Variants in FAM163B observed in about 807,000 individuals in gnomAD.
The protein encoded by FAM163B is family with sequence similarity 163 member B, also known as protein FAM163B.
In FAM163B, 4 loss-of-function variants were observed where a neutral mutation model predicts 7.6. The ratio of observed to expected loss-of-function variants is 0.52; its 90% CI spans 0.26 to 1.20. The LOEUF is 1.20. Ranked by LOEUF, FAM163B falls within the 50% of genes most tolerant of loss-of-function variation. FAM163B has a pLI of 0.14. For missense variants in FAM163B, 250 were observed against 243.0 expected, an observed-to-expected ratio of 1.03 and a Z score of -0.19; for synonymous variants, 120 against 111.6, an observed-to-expected ratio of 1.07 and a Z score of -0.47.
At chr9:133,593,601 C>T (rs1831587529) in intron 1 of FAM163B, among the ~76,000 whole-genome samples, 3 of 152,236 alleles carry the variant, frequency 2.0e-5, no homozygotes, top group Non-Finnish European at 4.4e-5. Context: ...AGACTCTCCC[C>T]ATTAGCATCA....
rs867409048 is a variant in FAM163B at position 133,600,765 on chromosome 9, G to A, written c.-24+8312C>T. Among the ~76,000 whole-genome samples the A allele has an allele frequency of 2.6e-5, 4 of 152,260 alleles. No homozygotes were observed. Among genetic ancestry groups the A allele is most frequent in the Middle Eastern group, 3.4e-3 (1 of 294 alleles). On this transcript the variant is annotated intron_variant, in intron 1 of 2. Transcript: ENST00000673969. The surrounding 1 kb of genome is among the most constrained non-coding windows in gnomAD (Gnocchi z 4.9). The stretch of plus-strand genomic sequence containing the variant: ...CAACCAGTGGCTGCTCAGAATCTGA[G>A]ACTCCTTTCCTCTTCGATTCGGAAG...
At chr9:133,588,605 T>TGGCATGCTGA (rs1364548622) in intron 1 of FAM163B, among the ~76,000 whole-genome samples, 23 of 148,340 alleles carry the variant, frequency 1.6e-4, no homozygotes, top group African/African-American at 2.5e-4. Flanking sequence ...TTGAGGGATC[T>TGGCATGCTGA]AGGATGCTGA....
intron 2 of FAM163B, among the ~76,000 whole-genome samples, chr9:133,579,663 G>C (rs1405321696): frequency 6.6e-6 from 1 of 152,256 alleles, no homozygotes; most frequent in East Asian, 1.9e-4. Context: ...CAACGTGCAG[G>C]TGTGACTGTT....
At chr9:133,589,315 TC>T (rs1490070584) in intron 1 of FAM163B, among the ~76,000 whole-genome samples, 5 of 152,308 alleles carry the variant, frequency 3.3e-5, no homozygotes, top group Admixed American at 6.5e-5. Flanking sequence ...AATGTCTCCT[TC>T]AATTGCCGGG....
intron 1 of FAM163B, among the ~76,000 whole-genome samples, chr9:133,599,585 C>T (rs1468421816): frequency 2.0e-5 from 3 of 148,690 alleles, no homozygotes; most frequent in South Asian, 2.2e-4. Flanking sequence ...TGTATGTGTC[C>T]GTGTGCATGT....
At chr9:133,595,916 C>T (rs1831625430) in intron 1 of FAM163B, among the ~76,000 whole-genome samples, 1 of 152,192 alleles carries the variant, frequency 6.6e-6, no homozygotes, top group Non-Finnish European at 1.5e-5. Context: ...CCATGGTGGG[C>T]ACCTGGTGAC....
At position 133,600,847 on chromosome 9, in the gene FAM163B, C is replaced by A. The variant is rs1316319876; in HGVS notation, c.-24+8230G>T. 2.0e-5 allele frequency among the ~76,000 whole-genome samples: 3 copies of A among 152,178 alleles called. No homozygotes were observed. In the East Asian group the frequency reaches 5.8e-4, roughly 29 times the overall value. On this transcript the variant is annotated intron_variant, in intron 1 of 2. Coordinates refer to ENST00000673969, the MANE Select transcript of FAM163B (RefSeq NM_001080515.3). This position sits in a 1 kb window ranked among gnomAD's most constrained non-coding sequence, Gnocchi z 4.9. ...GCTCAGTGAACAATCACAGACGCTC[C>A]CTAACCCCCTTTCCCCTCGCAAATA... is the stretch of plus-strand genomic sequence containing the variant.
At chr9:133,596,290 C>T (rs899865411) in intron 1 of FAM163B, among the ~76,000 whole-genome samples, 7 of 152,062 alleles carry the variant, frequency 4.6e-5, no homozygotes, top group Admixed American at 1.3e-4. Context: ...GGGAGCAGCA[C>T]GGTGGCTGCC....
chr9:133,586,488 C>T (rs1026598647), intron 1 of FAM163B, among the ~76,000 whole-genome samples: 18 of 152,310 alleles, frequency 1.2e-4, no homozygotes, highest in Non-Finnish European at 2.1e-4. Flanking sequence ...AGAAAGAGCA[C>T]AGGGACCATG....
rs1415313067 is a variant in FAM163B at position 133,600,216 on chromosome 9, TGTGG to T, written c.-24+8857_-24+8860del. ...AATGTGGTCTGTGTGAGTGTGTGTG[TGTGG>T]GGGGGAATGTGGTCTGTGTGCATGT... On this transcript the variant is annotated intron_variant, in intron 1 of 2. Coordinates refer to ENST00000673969, the MANE Select transcript of FAM163B (RefSeq NM_001080515.3). This position sits in a 1 kb window ranked among gnomAD's most constrained non-coding sequence, Gnocchi z 4.9. 2.7e-5 allele frequency among the ~76,000 whole-genome samples: 4 copies of T among 149,670 alleles called. No individual in the cohort carries two copies. Among genetic ancestry groups the T allele is most frequent in the South Asian group, 4.3e-4 (2 of 4,672 alleles).
In FAM163B at chr9:133,579,294, A is replaced by C; in HGVS notation, c.229T>G (p.Ser77Ala). 1 of 1,613,364 alleles carries C rather than the reference A, an allele frequency of 6.2e-7. No homozygotes were observed. Among genetic ancestry groups the C allele is most frequent in the Non-Finnish European group, 8.5e-7 (1 of 1,179,906 alleles). ...GGGGACTTCTGGCTGAAGGAGGTGG[A>C]GGCGGTGGGGTAGAGCGCCGGCCCG... ...TNGPALYPTASTSFSQKSPQA... is the reference protein window; with the variant it reads ...TNGPALYPTAATSFSQKSPQA... Residue 77 changes from serine to alanine, a missense_variant, in exon 3 of 3, where the codon TCC becomes GCC. Physicochemically the swap from Ser to Ala is moderately conservative, Grantham distance 99. Coordinates refer to ENST00000673969, the MANE Select transcript of FAM163B (RefSeq NM_001080515.3).
At position 133,609,088 on chromosome 9, in the gene FAM163B, G is replaced by A. The variant is rs368371168; in HGVS notation, c.-35C>T. On this transcript the variant is annotated 5_prime_UTR_variant, in exon 1 of 3. Transcript: ENST00000673969. Reference sequence around the variant, plus strand: ...CGCTCGGCCCTTACCTTGAAGCATGGGAACCGCGCTGCCCCGGCCGCGAGG... The same window carrying A: ...CGCTCGGCCCTTACCTTGAAGCATGAGAACCGCGCTGCCCCGGCCGCGAGG... Among the ~76,000 whole-genome samples, 93 of 152,292 alleles carry A rather than the reference G, an allele frequency of 6.1e-4. No individual in the cohort carries two copies. The highest frequency in any genetic ancestry group is 2.1e-3 in the African/African-American group (87 of 41,580).
chr9:133,596,546 G>C (rs1354516383), intron 1 of FAM163B, among the ~76,000 whole-genome samples: 1 of 152,130 alleles, frequency 6.6e-6, no homozygotes, highest in African/African-American at 2.4e-5. Context: ...CAAGCCATGG[G>C]GGAGAGACAA....
chr9:133,603,460 A>C (rs1028337479), intron 1 of FAM163B, among the ~76,000 whole-genome samples: 14 of 152,222 alleles, frequency 9.2e-5, no homozygotes, highest in Non-Finnish European at 1.8e-4. Context: ...ACGTGGGAAA[A>C]GCAACCCCAG....
At chr9:133,603,926 G>A (rs1325019321) in intron 1 of FAM163B, among the ~76,000 whole-genome samples, 1 of 152,112 alleles carries the variant, frequency 6.6e-6, no homozygotes, top group African/African-American at 2.4e-5. Context: ...TGTAACCTCC[G>A]CCTTCCAGGT....
intron 1 of FAM163B, among the ~76,000 whole-genome samples, chr9:133,604,875 A>C (rs1831770860): frequency 6.6e-6 from 1 of 152,260 alleles, no homozygotes. Context: ...TGATTTCAAA[A>C]GAGAGAGGAC....
intron 1 of FAM163B, among the ~76,000 whole-genome samples, chr9:133,595,124 G>A (rs553817338): frequency 6.6e-6 from 1 of 152,278 alleles, no homozygotes; most frequent in African/African-American, 2.4e-5. Flanking sequence ...GGGGAGCGGG[G>A]CTGCAGGACT....
rs1831298671 is a variant in FAM163B at position 133,578,985 on chromosome 9, G to A, written c.*37C>T. On this transcript the variant is annotated 3_prime_UTR_variant, in exon 3 of 3. Coordinates refer to ENST00000673969, the MANE Select transcript of FAM163B (RefSeq NM_001080515.3). ...CCAAAGGAATCCCCCCATTGTCTCA[G>A]GACCTTCAAGGCCAGGATCCCGGGG... 2.0e-6 allele frequency: 3 copies of A among 1,465,654 alleles called. No individual in the cohort carries two copies. Among genetic ancestry groups the A allele is most frequent in the Non-Finnish European group, 9.0e-7 (1 of 1,109,626 alleles). The allele number at this position is 1,465,654 out of a possible 1,614,324, so 90.8% of individuals were successfully genotyped here. A position where few individuals can be genotyped will look rare whatever the true frequency, so the allele number is the denominator to read the frequency against.
At chr9:133,588,608 G>GATGTAGCACTAGC (rs1564192573) in intron 1 of FAM163B, among the ~76,000 whole-genome samples, 10 of 1,540 alleles carry the variant, frequency 6.5e-3, no homozygotes, top group African/African-American at 0.011. Context: ...AGGGATCTAG[G>GATGTAGCACTAGC]ATGCTGAAGG....
Sources: allele counts gnomAD v4.1 joint callset (sites outside exome capture counted in the v4.1 genomes callset), GRCh38; gene constraint gnomAD v4.1.1; non-coding constraint Gnocchi (gnomAD v3.1); transcripts MANE v1.5; gene names NCBI Gene and HGNC (gene_info 2026-07-23, HGNC 2026-07-21).